Variants in OSBPL3 observed in about 807,000 individuals in gnomAD.
OSBPL3 encodes oxysterol-binding protein-related protein 3.
In OSBPL3, 65 loss-of-function variants were observed where a neutral mutation model predicts 120.1. That is an observed-to-expected ratio of 0.54 (90% CI 0.44 to 0.67). The LOEUF is 0.67. Ranked by LOEUF, OSBPL3 falls within the 30% of genes least tolerant of loss-of-function variation. The pLI, the probability that OSBPL3 is intolerant of heterozygous loss-of-function variation, is 0.00. For synonymous variants in OSBPL3, 416 were observed against 402.6 expected (o/e 1.03, Z -0.40); for missense variants, 1,004 against 1,082.1 (o/e 0.93, Z 1.01).
intron 1 of OSBPL3, among the ~76,000 whole-genome samples, chr7:24,942,796 T>C (rs1813254291): frequency 6.6e-6 from 1 of 152,200 alleles, no homozygotes; most frequent in Non-Finnish European, 1.5e-5. Context: ...CGTATGAACA[T>C]CCCTATTAAG....
At chr7:24,845,139 C>G (rs920971760) in intron 12 of OSBPL3, among the ~76,000 whole-genome samples, 1 of 151,818 alleles carries the variant, frequency 6.6e-6, no homozygotes, top group African/African-American at 2.4e-5. Flanking sequence ...TATATATTAC[C>G]TAATTACACC....
chr7:24,856,215 T>A (rs1176079872), intron 10 of OSBPL3, among the ~76,000 whole-genome samples: 1 of 152,132 alleles, frequency 6.6e-6, no homozygotes, highest in African/African-American at 2.4e-5. Flanking sequence ...CAGGTTGAGT[T>A]TTTGACTGTA....
At position 24,806,837 on chromosome 7, in the gene OSBPL3, T is replaced by C; in HGVS notation, c.2383A>G (p.Met795Val). ...FTQFALELNE[M>V]DPSSKSLLPP... ...AATAAAGACTTTGATGATGGATCCA[T>C]TTCATTTAATTCCAGCGCAAACTGT... Residue 795 changes from methionine to valine, a missense_variant, in exon 21 of 23, where the codon ATG (methionine) becomes GTG (valine). By Grantham distance (21) the Met-to-Val change is conservative. This residue lies in a region of OSBPL3 where 473 missense variants were observed against 568.0 expected (regional missense o/e 0.83). Transcript: ENST00000313367. The surrounding 1 kb of genome is among the most constrained non-coding windows in gnomAD (Gnocchi z 5.2). 6 of 1,613,420 alleles carry C rather than the reference T, an allele frequency of 3.7e-6. No individual in the cohort carries two copies. Among genetic ancestry groups the C allele is most frequent in the South Asian group, 1.1e-5 (1 of 91,064 alleles).
intron 1 of OSBPL3, among the ~76,000 whole-genome samples, chr7:24,957,082 C>T (rs113339677): frequency 6.6e-6 from 1 of 152,170 alleles, no homozygotes; most frequent in Non-Finnish European, 1.5e-5. Flanking sequence ...GCTGTTTAAG[C>T]CACTCTTGAA....
At chr7:24,935,161 G>A (rs1291038729) in intron 1 of OSBPL3, among the ~76,000 whole-genome samples, 1 of 152,056 alleles carries the variant, frequency 6.6e-6, no homozygotes, top group East Asian at 1.9e-4. Flanking sequence ...AGGCATGAGG[G>A]AGGCTTTTTA....
chr7:24,934,504 T>C (rs1251500856), intron 1 of OSBPL3, among the ~76,000 whole-genome samples: 1 of 152,188 alleles, frequency 6.6e-6, no homozygotes, highest in Non-Finnish European at 1.5e-5. Context: ...CATATCTATC[T>C]TTTGGCCCCC....
In OSBPL3 at chr7:24,834,627, G is replaced by T; in HGVS notation, c.1605C>A (p.Asn535Lys). ...NISLWNILRN[N>K]IGKDLSKVAM... ...CCACCTTGGACAGGTCCTTCCCGAT[G>T]TTGTTCCTCAGGATGTTCCACAGGC... Residue 535 changes from asparagine to lysine, a missense_variant, in exon 15 of 23, where the codon AAC becomes AAA. Physicochemically the swap from Asn to Lys is moderately conservative, Grantham distance 94. Coordinates refer to ENST00000313367, the MANE Select transcript of OSBPL3 (RefSeq NM_015550.4). The surrounding 1 kb of genome is among the most constrained non-coding windows in gnomAD (Gnocchi z 5.2). 1 of 1,614,190 alleles carries T rather than the reference G, an allele frequency of 6.2e-7. No homozygotes were observed. The highest frequency in any genetic ancestry group is 2.2e-5 in the East Asian group (1 of 44,876).
intron 12 of OSBPL3, 117 bp from the exon 13 acceptor site, chr7:24,842,530 A>C: frequency 3.9e-6 from 3 of 777,636 alleles, no homozygotes; most frequent in Non-Finnish European, 6.2e-6. Context: ...TAAGCAACTC[A>C]AAGCAGAAGT....
chr7:24,834,171 G>A lies in OSBPL3; in HGVS notation c.1746+315C>T, dbSNP rs1022168986. The stretch of plus-strand genomic sequence containing the variant: ...AACATGCAGACAGCCCTAAAGACAT[G>A]TTTTCCAGCCGGGCACATCGGAACA... On this transcript the variant is annotated intron_variant, in intron 15 of 22. Coordinates refer to ENST00000313367, the MANE Select transcript of OSBPL3 (RefSeq NM_015550.4). This position sits in a 1 kb window ranked among gnomAD's most constrained non-coding sequence, Gnocchi z 5.2. 9.3e-7 allele frequency: 1 copy of A among 1,075,246 alleles called. No individual in the cohort carries two copies. Among genetic ancestry groups the A allele is most frequent in the Non-Finnish European group, 1.1e-6 (1 of 879,590 alleles). The allele number at this position is 1,075,246 out of a possible 1,614,324, so 66.6% of individuals were successfully genotyped here.
chr7:24,852,473 A>G lies in OSBPL3; in HGVS notation c.1158+31T>C. On this transcript the variant is annotated intron_variant, in intron 11 of 22. Transcript: ENST00000313367. The surrounding 1 kb of genome is among the most constrained non-coding windows in gnomAD (Gnocchi z 4.1). ...CCATTCATGAGCCTGGACACATCTC[A>G]GGCATTCCTGGAGGCAGACATGTAA... The G allele has an allele frequency of 6.6e-7, 1 of 1,523,588 alleles. No individual in the cohort carries two copies. The highest frequency in any genetic ancestry group is 1.4e-5 in the African/African-American group (1 of 71,590). The allele number at this position is 1,523,588 out of a possible 1,614,324, so 94.4% of individuals were successfully genotyped here. A position where few individuals can be genotyped will look rare whatever the true frequency, so the allele number is the denominator to read the frequency against.
intron 14 of OSBPL3, among the ~76,000 whole-genome samples, chr7:24,836,568 C>T (rs1454612729): frequency 6.6e-6 from 1 of 152,014 alleles, no homozygotes; most frequent in Non-Finnish European, 1.5e-5. Context: ...CAATCTTTTC[C>T]TTCGTTTCAT....
intron 1 of OSBPL3, among the ~76,000 whole-genome samples, chr7:24,909,761 A>G (rs1808505384): frequency 6.9e-6 from 1 of 144,782 alleles, no homozygotes; most frequent in Admixed American, 7.0e-5. Flanking sequence ...AAATAAGGAA[A>G]GCTACTGTTT....
chr7:24,892,656 A>G, intron 1 of OSBPL3, 35 bp from the exon 2 acceptor site: 1 of 1,304,122 alleles, frequency 7.7e-7, no homozygotes, highest in South Asian at 2.4e-5. Context: ...GGTCAGAGGC[A>G]TCAGATATCA....
At chr7:24,868,807 T>A (rs1054941699) in intron 5 of OSBPL3, among the ~76,000 whole-genome samples, 10 of 152,228 alleles carry the variant, frequency 6.6e-5, no homozygotes, top group Non-Finnish European at 1.2e-4. Flanking sequence ...TCTTGTGTTA[T>A]CCTTTCCTCT....
At position 24,863,521 on chromosome 7, in the gene OSBPL3, G is replaced by A. The variant is rs1462910997; in HGVS notation, c.752C>T (p.Ser251Leu). The A allele has an allele frequency of 1.2e-6, 2 of 1,613,812 alleles. No individual in the cohort carries two copies. Among genetic ancestry groups the A allele is most frequent in the Non-Finnish European group, 8.5e-7 (1 of 1,179,736 alleles). Residue 251 changes from serine to leucine, a missense_variant, in exon 8 of 23, where the codon TCG becomes TTG. Ser to Leu is a moderately radical substitution (Grantham distance 145). Around this residue, in one of 4 missense-constraint regions of OSBPL3, gnomAD observed 272 missense variants for 248.8 expected, o/e 1.09. Coordinates refer to ENST00000313367, the MANE Select transcript of OSBPL3 (RefSeq NM_015550.4). The surrounding 1 kb of genome is among the most constrained non-coding windows in gnomAD (Gnocchi z 5.8). ...CTGGATGGCGTTGATAGCTGGTGCCGAGTATGTCCGATGCAGGACGTCCAT... is the reference window on the plus strand; with the variant it reads ...CTGGATGGCGTTGATAGCTGGTGCCAAGTATGTCCGATGCAGGACGTCCAT... ...QSMDVLHRTYSAPAINAIQGG... is the reference protein window; with the variant it reads ...QSMDVLHRTYLAPAINAIQGG...
chr7:24,861,524 C>G lies in OSBPL3; in HGVS notation c.1027+89G>C, dbSNP rs73272263. 1,856 of 824,750 alleles carry G rather than the reference C, an allele frequency of 2.3e-3. 28 individuals carry two copies. The African/African-American group carries it at 0.029, about 13-fold the overall frequency. The allele number at this position is 824,750 out of a possible 1,614,324, so 51.1% of individuals were successfully genotyped here. A position where few individuals can be genotyped will look rare whatever the true frequency, so the allele number is the denominator to read the frequency against. On this transcript the variant is annotated intron_variant, in intron 10 of 22. Transcript: ENST00000313367. Reference sequence around the variant, plus strand: ...CTTAATAGAGCAGAAAATGAACCAACTAAGATACTCTCTCTAAGGACATCT... The same window carrying G: ...CTTAATAGAGCAGAAAATGAACCAAGTAAGATACTCTCTCTAAGGACATCT...
Position 24,821,986 on chromosome 7 carries a change from G to C in OSBPL3, c.1885-1748C>G, listed in dbSNP as rs183315002. 2.6e-5 allele frequency among the ~76,000 whole-genome samples: 4 copies of C among 152,134 alleles called. No homozygotes were observed. The highest frequency in any genetic ancestry group is 7.2e-5 in the African/African-American group (3 of 41,418). On this transcript the variant is annotated intron_variant, in intron 16 of 22. Coordinates refer to ENST00000313367, the MANE Select transcript of OSBPL3 (RefSeq NM_015550.4). This position sits in a 1 kb window ranked among gnomAD's most constrained non-coding sequence, Gnocchi z 5.5. ...CCTCCAGGGCTCAAGTGATCCTCCT[G>C]TCTCAGCCTCTCAAGTTGCTGGGAC...
At chr7:24,850,929 G>A (rs1399263420) in intron 11 of OSBPL3, among the ~76,000 whole-genome samples, 4 of 152,152 alleles carry the variant, frequency 2.6e-5, no homozygotes, top group Admixed American at 6.5e-5. Context: ...AGGATCATTC[G>A]GTTTTATCTG....
chr7:24,921,836 ATTTTAAAGAACC>A (rs1317491892), intron 1 of OSBPL3, among the ~76,000 whole-genome samples: 1 of 152,226 alleles, frequency 6.6e-6, no homozygotes, highest in African/African-American at 2.4e-5. Flanking sequence ...ACATTATGGG[ATTTTAAAGAACC>A]TTCCATTCTT....
Sources: gnomAD v4.1 joint callset for allele counts (sites outside exome capture counted in the v4.1 genomes callset) on GRCh38, gnomAD v4.1.1 for gene constraint, gnomAD v4.1.1 regional missense constraint, Gnocchi (gnomAD v3.1) non-coding constraint, MANE v1.5 for transcripts, NCBI Gene and HGNC (gene_info 2026-07-23, HGNC 2026-07-21) for gene names.